MGAT4C: variants seen among roughly 807,000 people sequenced by gnomAD.
MGAT4C encodes the protein MGAT4 family member C.
In MGAT4C, 19 loss-of-function variants were observed where a neutral mutation model predicts 40.1. The observed-to-expected ratio is 0.47, with a 90% CI of 0.33 to 0.70. The LOEUF (loss-of-function observed/expected upper bound fraction) is 0.70, where lower values mean the gene tolerates loss of function less well. Ranked by LOEUF, MGAT4C falls within the 30% of genes least tolerant of loss-of-function variation. The probability of loss-of-function intolerance (pLI) is 0.02; values close to 1 mark genes in which losing one functional copy is unlikely to be tolerated. For synonymous variants in MGAT4C, 181 were observed against 187.1 expected (o/e 0.97, Z 0.27); for missense variants, 491 against 563.2 (o/e 0.87, Z 1.30).
chr12:86,377,111 A>G (rs1198088323), intron 3 of MGAT4C, among the ~76,000 whole-genome samples: 1 of 146,886 alleles, frequency 6.8e-6, no homozygotes, highest in African/African-American at 2.5e-5. Flanking sequence ...CCCAGGCTAG[A>G]GTGCAATGGC....
At chr12:86,054,594 T>C (rs1893209617) in intron 1 of MGAT4C, among the ~76,000 whole-genome samples, 1 of 152,070 alleles carries the variant, frequency 6.6e-6, no homozygotes, top group Non-Finnish European at 1.5e-5. Flanking sequence ...TTTGAAGTAA[T>C]GCATATGTTA....
At chr12:86,266,829 C>T (rs1214777635) in intron 4 of MGAT4C, among the ~76,000 whole-genome samples, 1 of 151,784 alleles carries the variant, frequency 6.6e-6, no homozygotes, top group Non-Finnish European at 1.5e-5. Context: ...GTTTATTGGC[C>T]TGCTCAGGTT....
chr12:86,362,412 A>G (rs907555195), intron 3 of MGAT4C, among the ~76,000 whole-genome samples: 3 of 152,154 alleles, frequency 2.0e-5, no homozygotes, highest in African/African-American at 7.2e-5. Flanking sequence ...GGTGCAGCAC[A>G]CCAACATGGC....
chr12:86,240,026 TAAAAAAAA>T (rs1287336143), intron 1 of MGAT4C, among the ~76,000 whole-genome samples: 4 of 69,696 alleles, frequency 5.7e-5, no homozygotes, highest in African/African-American at 1.4e-4. Flanking sequence ...TAGAGTATAA[TAAAAAAAA>T]AAAATAAAAA....
chr12:86,264,138 GCT>G (rs1252381154), intron 4 of MGAT4C, among the ~76,000 whole-genome samples: 3 of 152,100 alleles, frequency 2.0e-5, no homozygotes, highest in African/African-American at 7.2e-5. Flanking sequence ...CAGGTTGTCA[GCT>G]CTCTCTGTTG....
At chr12:86,746,136 T>C (rs757039174) in intron 1 of MGAT4C, among the ~76,000 whole-genome samples, 1 of 151,694 alleles carries the variant, frequency 6.6e-6, no homozygotes, top group African/African-American at 2.4e-5. Flanking sequence ...AAATCTCTCT[T>C]GCTCTCTTAG....
chr12:86,035,814 C>A (rs1319110747), intron 2 of MGAT4C, among the ~76,000 whole-genome samples: 2 of 149,982 alleles, frequency 1.3e-5, no homozygotes, highest in African/African-American at 2.4e-5. Flanking sequence ...GTTTTCCCAA[C>A]ACCATTTATT....
intron 3 of MGAT4C, among the ~76,000 whole-genome samples, chr12:86,398,960 C>A (rs1351136909): frequency 6.6e-6 from 1 of 151,846 alleles, no homozygotes; most frequent in African/African-American, 2.4e-5. Context: ...TGTCCAATTA[C>A]ATTTGTTTTT....
intron 2 of MGAT4C, among the ~76,000 whole-genome samples, chr12:86,691,851 A>G (rs2136598664): frequency 6.6e-6 from 1 of 152,238 alleles, no homozygotes; most frequent in Non-Finnish European, 1.5e-5. Flanking sequence ...GAGTGATTAT[A>G]TATATTTTAA....
At chr12:86,203,056 T>TGTG (rs1555246936) in intron 1 of MGAT4C, among the ~76,000 whole-genome samples, 5 of 131,144 alleles carry the variant, frequency 3.8e-5, no homozygotes, top group African/African-American at 1.1e-4. Flanking sequence ...GTGTGTGTGT[T>TGTG]TTTACATAGC....
At position 86,588,722 on chromosome 12, in the gene MGAT4C, C is replaced by G. The variant is rs1384089708; in HGVS notation, c.-229+138487G>C. The stretch of plus-strand genomic sequence containing the variant: ...ACTGTCTCTCAGACCGCAGTGCAAT[C>G]AAACTAGAACTCAGGATTAAGAAAC... On this transcript the variant is annotated intron_variant, in intron 2 of 7. Coordinates refer to the MGAT4C transcript ENST00000548651. Among the ~76,000 whole-genome samples the G allele has an allele frequency of 7.2e-5, 11 of 152,164 alleles. No individual in the cohort carries two copies. In the East Asian group the frequency reaches 2.1e-3, roughly 29 times the overall value.
intron 1 of MGAT4C, among the ~76,000 whole-genome samples, chr12:86,082,175 G>A (rs1158180318): frequency 6.6e-6 from 1 of 152,066 alleles, no homozygotes; most frequent in East Asian, 1.9e-4. Flanking sequence ...AAAACCACTA[G>A]CCTGAGAACC....
At chr12:86,177,436 A>T (rs879257120) in intron 1 of MGAT4C, among the ~76,000 whole-genome samples, 4 of 152,184 alleles carry the variant, frequency 2.6e-5, no homozygotes, top group Non-Finnish European at 5.9e-5. Context: ...AAAAATTTTG[A>T]AAATGAACTC....
At chr12:86,819,711 G>A (rs143865187) in intron 1 of MGAT4C, among the ~76,000 whole-genome samples, 525 of 150,656 alleles carry the variant, frequency 3.5e-3, no homozygotes, top group African/African-American at 0.012. Flanking sequence ...AACTTTTTTC[G>A]TATAATAATT....
intron 2 of MGAT4C, among the ~76,000 whole-genome samples, chr12:85,994,766 A>G (rs1211799802): frequency 2.6e-5 from 4 of 152,206 alleles, no homozygotes; most frequent in Admixed American, 6.5e-5. Context: ...CCATATTTTT[A>G]TTGTGATATG....
At chr12:86,643,519 CG>C (rs1375054795) in intron 2 of MGAT4C, among the ~76,000 whole-genome samples, 1 of 151,664 alleles carries the variant, frequency 6.6e-6, no homozygotes, top group African/African-American at 2.4e-5. Flanking sequence ...TAAAAATGAA[CG>C]AAATACTGAC....
intron 1 of MGAT4C, among the ~76,000 whole-genome samples, chr12:86,065,548 T>C (rs1049842041): frequency 6.6e-6 from 1 of 152,078 alleles, no homozygotes; most frequent in Non-Finnish European, 1.5e-5. Flanking sequence ...TAGGTATTGA[T>C]GGAACGTATA....
Position 86,497,610 on chromosome 12 carries a change from C to A in MGAT4C, c.-228-62345G>T, listed in dbSNP as rs1306998749. On this transcript the variant is annotated intron_variant, in intron 2 of 7. Coordinates refer to the MGAT4C transcript ENST00000548651. ...ATATATGACAGTGTCAGGGCACTCT[C>A]AGAGTATGCTGGACCCATTCTCATA... 2.0e-5 allele frequency among the ~76,000 whole-genome samples: 3 copies of A among 151,720 alleles called. No individual in the cohort carries two copies. The Admixed American group carries it at 2.0e-4, about 10-fold the overall frequency.
intron 2 of MGAT4C, among the ~76,000 whole-genome samples, chr12:86,487,592 T>C (rs1351755907): frequency 1.3e-5 from 2 of 152,208 alleles, no homozygotes; most frequent in African/African-American, 2.4e-5. Flanking sequence ...GTTTGACAAA[T>C]GTCTGAAGAT....
Sources: gnomAD v4.1 joint callset for allele counts (sites outside exome capture counted in the v4.1 genomes callset) on GRCh38, gnomAD v4.1.1 for gene constraint, MANE v1.5 for transcripts, NCBI Gene and HGNC (gene_info 2026-07-23, HGNC 2026-07-21) for gene names.